Variants in AZU1 observed in about 807,000 individuals in gnomAD.
The protein encoded by AZU1 is azurocidin.
Under a neutral mutation model 17.8 loss-of-function variants are expected in AZU1, and 21 were observed. That is an observed-to-expected ratio of 1.18 (90% CI 0.84 to 1.70). AZU1 has a LOEUF of 1.70. AZU1 is among the 40% of genes most tolerant of loss of function. The probability of loss-of-function intolerance (pLI) is 0.00; values close to 1 mark genes in which losing one functional copy is unlikely to be tolerated. For synonymous variants in AZU1, 178 were observed against 155.2 expected (o/e 1.15, Z -1.09); for missense variants, 379 against 362.9 (o/e 1.04, Z -0.36).
At position 829,589 on chromosome 19, in the gene AZU1, G is replaced by C. The variant is rs747528898; in HGVS notation, c.243G>C (p.Leu81=). 2 of 1,613,242 alleles carry C rather than the reference G, an allele frequency of 1.2e-6. No individual in the cohort carries two copies. The highest frequency in any genetic ancestry group is 1.7e-6 in the Non-Finnish European group (2 of 1,179,956). The change falls in exon 3 of 5, where the codon CTG becomes CTC. Residue 81 remains leucine, a synonymous_variant. Transcript: ENST00000233997. The stretch of plus-strand genomic sequence containing the variant: ...ACCCCGGGGTTAGCACCGTGGTGCT[G>C]GGTGCCTATGACCTGAGGCGGCGGG... The part of the protein sequence containing the change: ...SQNPGVSTVV[L]GAYDLRRRER...
Position 827,923 on chromosome 19 carries a change from C to CGGTGGTCCCCCATCTGTGCT in AZU1, c.58+20_58+39dup, listed in dbSNP as rs760328681. ...AGGGCCGGTGAGTGCCTCTCTGTGC[C>CGGTGGTCCCCCATCTGTGCT]GGTGGTCCCCCATCTGTGCTAGGGC... On this transcript the variant is annotated intron_variant, in intron 1 of 4. Coordinates refer to ENST00000233997, the MANE Select transcript of AZU1 (RefSeq NM_001700.5). 5.2e-6 allele frequency: 8 copies of CGGTGGTCCCCCATCTGTGCT among 1,536,568 alleles called. No individual in the cohort carries two copies. In the Admixed American group the frequency reaches 9.8e-5, roughly 19 times the overall value.
In AZU1 at chr19:829,542, C is replaced by T. The variant is rs2035259867; in HGVS notation, c.216-20C>T. On this transcript the variant is annotated intron_variant, in intron 2 of 4. Transcript: ENST00000233997. ...CCCAGCCTGGTGTCCTCCCTCTGCC[C>T]TTTCCTCCGCTACTCTCAGGAACCC... 6.2e-7 allele frequency: 1 copy of T among 1,610,418 alleles called. No homozygotes were observed. The highest frequency in any genetic ancestry group is 8.5e-7 in the Non-Finnish European group (1 of 1,179,284).
At chr19:828,155 G>C in intron 1 of AZU1, 75 bp from the exon 2 acceptor site, 1 of 1,492,296 alleles carries the variant, frequency 6.7e-7, no homozygotes, top group Non-Finnish European at 9.0e-7. Context: ...ATAGAGCTGA[G>C]GCTGCAGCTT....
Position 830,846 on chromosome 19 carries a change from C to T in AZU1, c.499C>T (p.Pro167Ser). The T allele has an allele frequency of 1.2e-6, 2 of 1,608,598 alleles. No individual in the cohort carries two copies. The highest frequency in any genetic ancestry group is 1.1e-5 in the South Asian group (1 of 91,080). Residue 167 changes from proline to serine, a missense_variant, in exon 4 of 5, where the codon CCC becomes TCC. Coordinates refer to ENST00000233997, the MANE Select transcript of AZU1 (RefSeq NM_001700.5). ...CAGTGGGGGGCGTCTCTCCCGTTTT[C>T]CCAGGTTTGTCAACGTGACTGTGAC... ...QRSGGRLSRF[P>S]RFVNVTVTPE...
chr19:831,812 C>T lies in AZU1; in HGVS notation c.691C>T (p.Arg231Ter), dbSNP rs534295279. 3.8e-5 allele frequency: 61 copies of T among 1,612,574 alleles called. No homozygotes were observed. The highest frequency in any genetic ancestry group is 1.7e-4 in the Middle Eastern group (1 of 6,060). The change falls in exon 5 of 5, where the codon CGA (arginine) becomes TGA (stop). Residue 231 changes from arginine (R) to a stop codon, truncating the protein, a stop_gained. Coordinates refer to ENST00000233997, the MANE Select transcript of AZU1 (RefSeq NM_001700.5). LOFTEE classifies it low-confidence loss of function (END_TRUNC). ...PCGRGPDFFT[R>*]VALFRDWIDG... ...TGGCCGAGGCCCTGACTTCTTCACC[C>T]GAGTGGCGCTCTTCCGAGACTGGAT... is the stretch of plus-strand genomic sequence containing the variant.
At chr19:829,100 G>A (rs1327132180) in intron 2 of AZU1, among the ~76,000 whole-genome samples, 1 of 105,824 alleles carries the variant, frequency 9.4e-6, no homozygotes, top group Non-Finnish European at 1.9e-5. Flanking sequence ...GAGGCGCAGA[G>A]AAGGGAAGGG....
chr19:831,543 G>T, intron 4 of AZU1, 173 bp from the exon 5 acceptor site: 1 of 761,612 alleles, frequency 1.3e-6, no homozygotes, highest in Non-Finnish European at 2.0e-6. Context: ...GAAAGCAACT[G>T]ATCCCAAAGT....
At position 831,815 on chromosome 19, in the gene AZU1, GTGGC is replaced by G. The variant is rs752612798; in HGVS notation, c.695_698del (p.Val232GlyfsTer?). 2 of 1,612,698 alleles carry G rather than the reference GTGGC, an allele frequency of 1.2e-6. No homozygotes were observed. Among genetic ancestry groups the G allele is most frequent in the South Asian group, 1.1e-5 (1 of 91,078 alleles). ...CCGAGGCCCTGACTTCTTCACCCGAGTGGCGCTCTTCCGAGACTGGATCGATGGT... is the reference window on the plus strand; with the variant it reads ...CCGAGGCCCTGACTTCTTCACCCGAGGCTCTTCCGAGACTGGATCGATGGT... On this transcript the variant is annotated frameshift_variant, in exon 5 of 5. Coordinates refer to ENST00000233997, the MANE Select transcript of AZU1 (RefSeq NM_001700.5). LOFTEE classifies it low-confidence loss of function (END_TRUNC).
intron 1 of AZU1, 142 bp from the exon 2 acceptor site, chr19:828,088 C>A: frequency 7.5e-7 from 1 of 1,332,750 alleles, no homozygotes; most frequent in South Asian, 1.3e-5. Flanking sequence ...GCCCCCTGTC[C>A]TCTTAGGGAG....
chr19:830,548 G>A (rs1382693143), intron 3 of AZU1, among the ~76,000 whole-genome samples, 160 bp from the exon 4 acceptor site: 1 of 152,168 alleles, frequency 6.6e-6, no homozygotes, highest in African/African-American at 2.4e-5. Context: ...GCAACGTGCT[G>A]GGAATACAGG....
rs1427548911 is a variant in AZU1 at position 831,940 on chromosome 19, A to C, written c.*63A>C. 2 of 1,533,014 alleles carry C rather than the reference A, an allele frequency of 1.3e-6. No homozygotes were observed. Among genetic ancestry groups the C allele is most frequent in the African/African-American group, 1.4e-5 (1 of 72,412 alleles). The allele number at this position is 1,533,014 out of a possible 1,614,324, so 95.0% of individuals were successfully genotyped here. The stretch of plus-strand genomic sequence containing the variant: ...TCCACACCTCCGGCGCTCCGCACCC[A>C]CCTCCCACGGCCCCGCCCCTGCCCC... On this transcript the variant is annotated 3_prime_UTR_variant, in exon 5 of 5. Transcript: ENST00000233997.
chr19:828,462 G>A, intron 2 of AZU1, 76 bp downstream of exon 2: 1 of 1,382,434 alleles, frequency 7.2e-7, no homozygotes, highest in Non-Finnish European at 9.5e-7. Flanking sequence ...GGCATTCAGT[G>A]GGGGTGCTTG....
Position 831,823 on chromosome 19 carries a change from C to T in AZU1, c.702C>T (p.Leu234=). The part of the protein sequence containing the change: ...RGPDFFTRVA[L]FRDWIDGVLN... The stretch of plus-strand genomic sequence containing the variant: ...CTGACTTCTTCACCCGAGTGGCGCT[C>T]TTCCGAGACTGGATCGATGGTGTTC... The change falls in exon 5 of 5, where the codon CTC becomes CTT. Residue 234 remains leucine (L), a synonymous_variant. Transcript: ENST00000233997. The T allele has an allele frequency of 6.2e-7, 1 of 1,612,840 alleles. No homozygotes were observed.
Position 831,876 on chromosome 19 carries a change from AG to A in AZU1, c.*5del, listed in dbSNP as rs764221987. 1.9e-6 allele frequency: 3 copies of A among 1,610,636 alleles called. No individual in the cohort carries two copies. Among genetic ancestry groups the A allele is most frequent in the African/African-American group, 1.3e-5 (1 of 74,842 alleles). ...VLNNPGPGPA[*>X] ...AACAACCCGGGACCGGGGCCAGCCTAGGGGGGCCTGTGACCTCCCATGGAGC... is the reference window on the plus strand; with the variant it reads ...AACAACCCGGGACCGGGGCCAGCCTAGGGGGCCTGTGACCTCCCATGGAGC... On this transcript the variant is annotated frameshift_variant and stop_lost, in exon 5 of 5. Coordinates refer to ENST00000233997, the MANE Select transcript of AZU1 (RefSeq NM_001700.5). LOFTEE classifies it high-confidence loss of function.
rs1036155573 is a variant in AZU1 at position 831,088 on chromosome 19, T to TC, written c.594+147_594+148insC. 1.1e-5 allele frequency: 8 copies of TC among 736,300 alleles called. No homozygotes were observed. The African/African-American group carries it at 1.4e-4, about 13-fold the overall frequency. 45.6% of individuals were successfully genotyped at this position (736,300 alleles called of 1,614,324 possible). ...GGTAGGAGAAACAGTATCTTTTTTT[T>TC]TTTTTTTGAGACAGAGTCTCGCTCT... On this transcript the variant is annotated intron_variant, in intron 4 of 4. Transcript: ENST00000233997.
chr19:831,853 CA>C lies in AZU1; in HGVS notation c.734del (p.Asn245ThrfsTer?), dbSNP rs762864417. On this transcript the variant is annotated frameshift_variant, in exon 5 of 5. Coordinates refer to ENST00000233997, the MANE Select transcript of AZU1 (RefSeq NM_001700.5). LOFTEE classifies it high-confidence loss of function. ...FRDWIDGVLN[N>X]PGPGPA is the part of the protein sequence containing the mutation. Reference sequence around the variant, plus strand: ...GAGACTGGATCGATGGTGTTCTCAACAACCCGGGACCGGGGCCAGCCTAGGG... The same window carrying C: ...GAGACTGGATCGATGGTGTTCTCAACACCCGGGACCGGGGCCAGCCTAGGG... The C allele has an allele frequency of 1.2e-6, 2 of 1,612,540 alleles. No homozygotes were observed. The highest frequency in any genetic ancestry group is 1.7e-6 in the Non-Finnish European group (2 of 1,179,720).
chr19:829,964 G>GTGTGTGTGTGTGTT (rs2035267583), intron 3 of AZU1, among the ~76,000 whole-genome samples: 1 of 151,430 alleles, frequency 6.6e-6, no homozygotes, highest in African/African-American at 2.4e-5. Flanking sequence ...GTGTGTGTGT[G>GTGTGTGTGTGTGTT]TGTGTGTGTG....
In AZU1 at chr19:828,373, T is replaced by G. The variant is rs1331783978; in HGVS notation, c.202T>G (p.Cys68Gly). 30 of 1,580,664 alleles carry G rather than the reference T, an allele frequency of 1.9e-5. No individual in the cohort carries two copies. The highest frequency in any genetic ancestry group is 2.6e-5 in the Non-Finnish European group (30 of 1,163,244). Residue 68 changes from cysteine (C) to glycine (G), a missense_variant, in exon 2 of 5, where the codon TGC (cysteine) becomes GGC (glycine). Cys to Gly is a radical substitution (Grantham distance 159). Coordinates refer to ENST00000233997, the MANE Select transcript of AZU1 (RefSeq NM_001700.5). ...CCGCTTCGTGATGACCGCGGCCAGC[T>G]GCTTCCAAAGCCAGTGAGGGGTCCT... ...HARFVMTAAS[C>G]FQSQNPGVST...
At position 828,258 on chromosome 19, in the gene AZU1, C is replaced by A; in HGVS notation, c.87C>A (p.Gly29=). 9.3e-6 allele frequency: 15 copies of A among 1,608,618 alleles called. No individual in the cohort carries two copies. Among genetic ancestry groups the A allele is most frequent in the Non-Finnish European group, 1.2e-5 (14 of 1,178,680 alleles). ...AGSSPLLDIV[G]GRKARPRQFP... ...CCAGCCCCCTTTTGGACATCGTTGG[C>A]GGCCGGAAGGCGAGGCCCCGCCAGT... is the stretch of plus-strand genomic sequence containing the variant. The change falls in exon 2 of 5, where the codon GGC becomes GGA. Residue 29 remains glycine, a synonymous_variant. Coordinates refer to ENST00000233997, the MANE Select transcript of AZU1 (RefSeq NM_001700.5).
Sources: allele counts gnomAD v4.1 joint callset (sites outside exome capture counted in the v4.1 genomes callset), GRCh38; gene constraint gnomAD v4.1.1; transcripts MANE v1.5; gene names NCBI Gene and HGNC (gene_info 2026-07-23, HGNC 2026-07-21).